Variants in CAPN14 observed in about 807,000 individuals in gnomAD.
CAPN14 encodes the protein calpain-14.
CAPN14 carries 94 observed loss-of-function variants against 101.3 expected under a neutral mutation model. The ratio of observed to expected loss-of-function variants is 0.93; its 90% confidence interval spans 0.79 to 1.10. The LOEUF is 1.10. Among genes scored for constraint, CAPN14 ranks in the 50% least tolerant of loss-of-function variants. The pLI is 0.00. For missense variants in CAPN14, 837 were observed against 828.4 expected, an observed-to-expected ratio of 1.01 and a Z score of -0.13; for synonymous variants, 338 against 317.9, an observed-to-expected ratio of 1.06 and a Z score of -0.67.
chr2:31,205,471 T>G lies in CAPN14; in HGVS notation c.-24A>C. The G allele has an allele frequency of 6.6e-7, 1 of 1,518,982 alleles. No individual in the cohort carries two copies. The highest frequency in any genetic ancestry group is 8.9e-7 in the Non-Finnish European group (1 of 1,117,494). The allele number at this position is 1,518,982 out of a possible 1,614,324, so 94.1% of individuals were successfully genotyped here. A position where few individuals can be genotyped will look rare whatever the true frequency, so the allele number is the denominator to read the frequency against. ...ATGGCAGGTGGTGGGTACAGTCCAG[T>G]GAGTCTTCCTGAGGAGTCTCTGCTG... On this transcript the variant is annotated 5_prime_UTR_variant, in exon 2 of 22. Coordinates refer to ENST00000403897, the MANE Select transcript of CAPN14 (RefSeq NM_001145122.2).
chr2:31,184,755 C>T (rs956673884), intron 16 of CAPN14, among the ~76,000 whole-genome samples: 2 of 152,228 alleles, frequency 1.3e-5, no homozygotes, highest in Non-Finnish European at 2.9e-5. Flanking sequence ...TCATGGAACA[C>T]TTACTAAACC....
At chr2:31,199,620 G>T in intron 6 of CAPN14, 88 bp from the exon 7 acceptor site, 1 of 1,036,066 alleles carries the variant, frequency 9.7e-7, no homozygotes, top group Non-Finnish European at 1.4e-6. Flanking sequence ...CTGGAGCAGG[G>T]GTTTATGGAG....
chr2:31,205,072 T>G, intron 2 of CAPN14, 151 bp downstream of exon 2: 1 of 662,958 alleles, frequency 1.5e-6, no homozygotes, highest in Admixed American at 2.8e-5. Context: ...GAAAACCTCC[T>G]ACACATCTGG....
At chr2:31,217,144 G>A (rs944233191) in intron 1 of CAPN14, among the ~76,000 whole-genome samples, 6 of 152,208 alleles carry the variant, frequency 3.9e-5, no homozygotes, top group Non-Finnish European at 8.8e-5. Flanking sequence ...AAATGACTTC[G>A]AGAGAAACCA....
At chr2:31,228,088 C>G (rs7595906) in intron 1 of CAPN14, among the ~76,000 whole-genome samples, 29,010 of 152,100 alleles carry the variant, frequency 0.19, 3,241 homozygotes, top group East Asian at 0.46. Context: ...GTGGGAGGCA[C>G]GCATGCGTGC....
Position 31,189,401 on chromosome 2 carries a change from G to C in CAPN14, c.1365C>G (p.Leu455=), listed in dbSNP as rs192034616. Residue 455 remains leucine (L), a synonymous_variant, in exon 13 of 22, where the codon CTC becomes CTG. Transcript: ENST00000403897. ...NTPLSQPDRF[L]KEKEVSQELC... is the part of the protein sequence containing the mutation. The stretch of plus-strand genomic sequence containing the variant: ...GCTCCTGACTCACTTCTTTCTCCTT[G>C]AGAAACCTATCAGGCTGGCTCAGAG... The C allele has an allele frequency of 1.8e-4, 286 of 1,551,714 alleles. No individual in the cohort carries two copies. In the East Asian group the frequency reaches 4.5e-3, roughly 24 times the overall value.
At chr2:31,177,712 G>C (rs1396190365) in intron 19 of CAPN14, 34 bp downstream of exon 19, 1 of 1,500,554 alleles carries the variant, frequency 6.7e-7, no homozygotes, top group Non-Finnish European at 9.1e-7. Context: ...CCCTGCCCGT[G>C]TGTGCCCACA....
chr2:31,183,726 T>C (rs1012439538), intron 16 of CAPN14, among the ~76,000 whole-genome samples: 3 of 152,142 alleles, frequency 2.0e-5, no homozygotes, highest in Non-Finnish European at 4.4e-5. Flanking sequence ...GGAACATTTT[T>C]ACACTGTTGG....
intron 21 of CAPN14, 97 bp from the exon 22 acceptor site, chr2:31,174,804 A>G: frequency 8.6e-7 from 1 of 1,165,020 alleles, no homozygotes; most frequent in South Asian, 1.3e-5. Context: ...GAGACAGAAC[A>G]TTAATGGATG....
At chr2:31,222,245 C>T (rs1287842816), upstream of CAPN14, among the ~76,000 whole-genome samples, 1 of 152,144 alleles carries the variant, frequency 6.6e-6, no homozygotes, top group Non-Finnish European at 1.5e-5. Context: ...AGCATGATAT[C>T]TAGTAAGTCT....
intron 5 of CAPN14, 78 bp downstream of exon 5, chr2:31,201,784 G>GACTCC: frequency 6.6e-7 from 1 of 1,508,324 alleles, no homozygotes; most frequent in Admixed American, 2.1e-5. Context: ...AACTTTACCT[G>GACTCC]ACTCCACTCC....
At position 31,177,132 on chromosome 2, in the gene CAPN14, G is replaced by A. The variant is rs1455609315; in HGVS notation, c.1866C>T (p.Leu622=). 6.5e-7 allele frequency: 1 copy of A among 1,550,308 alleles called. No homozygotes were observed. The highest frequency in any genetic ancestry group is 1.2e-5 in the South Asian group (1 of 83,852). Reference sequence around the variant, plus strand: ...GCATCAGCTGACAGACGTCATCACTGAGCATGATTCCTGCATTGAGCACAA... The same window carrying A: ...GCATCAGCTGACAGACGTCATCACTAAGCATGATTCCTGCATTGAGCACAA... ...HAAMREAGIM[L]SDDVCQLMLI... Residue 622 remains leucine, a synonymous_variant, in exon 20 of 22, where the codon CTC becomes CTT. Transcript: ENST00000403897.
Position 31,176,640 on chromosome 2 carries a change from C to A in CAPN14, c.1975G>T (p.Val659Phe), listed in dbSNP as rs1680306307. The change falls in exon 21 of 22, where the codon GTC becomes TTC. Residue 659 changes from valine to phenylalanine, a missense_variant and splice_region_variant. Coordinates refer to ENST00000403897, the MANE Select transcript of CAPN14 (RefSeq NM_001145122.2). ...CCATCTTGGGTTAAGTTTTGGAAGA[C>A]ATCTGTGAAAATGCAGCAGAAAGGA... ...LMLRVENMED[V>F]FQNLTQDGKG... The A allele has an allele frequency of 6.4e-7, 1 of 1,551,254 alleles. No homozygotes were observed. The highest frequency in any genetic ancestry group is 8.7e-7 in the Non-Finnish European group (1 of 1,146,678).
intron 1 of CAPN14, among the ~76,000 whole-genome samples, chr2:31,229,679 CAAAAAAAA>C (rs3031884): frequency 6.1e-5 from 6 of 99,050 alleles, no homozygotes; most frequent in Non-Finnish European, 7.9e-5. Context: ...ACCCTATGTC[CAAAAAAAA>C]AAAAAAAAAA....
intron 8 of CAPN14, among the ~76,000 whole-genome samples, chr2:31,195,430 G>C (rs542453987): frequency 6.6e-6 from 1 of 152,132 alleles, no homozygotes; most frequent in Non-Finnish European, 1.5e-5. Context: ...TCCGCCTCCC[G>C]GGTTCAAGCA....
rs557201686 is a variant in CAPN14 at position 31,191,448 on chromosome 2, G to GGA, written c.1279-43_1279-42dup. 69 of 1,444,314 alleles carry GGA rather than the reference G, an allele frequency of 4.8e-5. No homozygotes were observed. In the African/African-American group the frequency reaches 7.1e-4, roughly 15 times the overall value. The allele number at this position is 1,444,314 out of a possible 1,614,324, so 89.5% of individuals were successfully genotyped here. On this transcript the variant is annotated intron_variant, in intron 11 of 21. Coordinates refer to ENST00000403897, the MANE Select transcript of CAPN14 (RefSeq NM_001145122.2). ...AAAAACAGAAAAAAAAAAAAAAAGA[G>GGA]GAGAGAGAGATCTCATTAAGCAGGG...
At chr2:31,219,290 G>A (rs947145697), upstream of CAPN14, among the ~76,000 whole-genome samples, 13 of 152,138 alleles carry the variant, frequency 8.5e-5, no homozygotes, top group Admixed American at 2.0e-4. Flanking sequence ...ACAGATGGCC[G>A]GGGAGCCTTG....
chr2:31,224,275 C>T (rs28680720), intron 2 of CAPN14, among the ~76,000 whole-genome samples: 16,856 of 152,132 alleles, frequency 0.11, 1,331 homozygotes, highest in African/African-American at 0.22. Flanking sequence ...ACATAACACA[C>T]ATATACATTT....
At chr2:31,224,683 A>G (rs1682968690) in intron 2 of CAPN14, among the ~76,000 whole-genome samples, 1 of 152,012 alleles carries the variant, frequency 6.6e-6, no homozygotes. Context: ...TAAATAGTAA[A>G]TAAAATAACT....
Sources: gnomAD v4.1 joint callset for allele counts (sites outside exome capture counted in the v4.1 genomes callset) on GRCh38, gnomAD v4.1.1 for gene constraint, MANE v1.5 for transcripts, NCBI Gene and HGNC (gene_info 2026-07-23, HGNC 2026-07-21) for gene names.